CENPQ: variants seen among roughly 807,000 people sequenced by gnomAD.
CENPQ encodes centromere protein Q.
Under a neutral mutation model 36.6 loss-of-function variants are expected in CENPQ, and 27 were observed. The observed-to-expected ratio is 0.74, with a 90% CI of 0.54 to 1.02. The LOEUF is 1.02. Among genes scored for constraint, CENPQ ranks in the 50% least tolerant of loss-of-function variants. The pLI is 0.00. For missense variants in CENPQ, 306 were observed against 301.8 expected (o/e 1.01, Z -0.10); for synonymous variants, 101 against 101.7 (o/e 0.99, Z 0.04).
chr6:49,467,788 G>A (rs1379032548), intron 1 of CENPQ, among the ~76,000 whole-genome samples: 2 of 152,180 alleles, frequency 1.3e-5, no homozygotes, highest in Non-Finnish European at 2.9e-5. Flanking sequence ...CAGACTTAGA[G>A]AGAAATGAAG....
At chr6:49,474,304 T>G (rs1487845059) in intron 5 of CENPQ, among the ~76,000 whole-genome samples, 2 of 151,868 alleles carry the variant, frequency 1.3e-5, no homozygotes, top group African/African-American at 4.8e-5. Context: ...GAACAGAAAT[T>G]ATAACAAACT....
At chr6:49,471,359 G>T (rs1283876772) in intron 3 of CENPQ, among the ~76,000 whole-genome samples, 1 of 152,118 alleles carries the variant, frequency 6.6e-6, no homozygotes, top group Admixed American at 6.5e-5. Context: ...TATGCTTTCT[G>T]TTCTGTATAG....
rs1768096394 is a variant in CENPQ at position 49,470,226 on chromosome 6, G to A, written c.50G>A (p.Arg17Lys). 1 of 1,607,350 alleles carries A rather than the reference G, an allele frequency of 6.2e-7. No homozygotes were observed. Among genetic ancestry groups the A allele is most frequent in the Non-Finnish European group, 8.5e-7 (1 of 1,176,836 alleles). The change falls in exon 2 of 9, where the codon AGA (arginine) becomes AAA (lysine). Residue 17 changes from arginine (R) to lysine (K), a missense_variant. By Grantham distance (26) the Arg-to-Lys change is conservative. Coordinates refer to ENST00000335783, the MANE Select transcript of CENPQ (RefSeq NM_018132.4). ...ASKKNAQQLK[R>K]NPKRKKDNEE... The stretch of plus-strand genomic sequence containing the variant: ...AAGAAAAACGCTCAACAGTTAAAAA[G>A]AAATCCAAAGAGAAAAAAGGATAAT...
At chr6:49,483,634 A>G (rs1581853811) in intron 6 of CENPQ, among the ~76,000 whole-genome samples, 1 of 152,172 alleles carries the variant, frequency 6.6e-6, no homozygotes, top group African/African-American at 2.4e-5. Context: ...GGGACCCAGT[A>G]CACCCTCCAC....
intron 2 of CENPQ, 42 bp downstream of exon 2, chr6:49,470,320 G>A (rs147098867): frequency 1.8e-5 from 24 of 1,308,022 alleles, no homozygotes; most frequent in Non-Finnish European, 2.2e-5. Flanking sequence ...ATCTTCAACT[G>A]TGGCCAAGCA....
At position 49,488,409 on chromosome 6, in the gene CENPQ, C is replaced by G. The variant is rs1768639646; in HGVS notation, c.535C>G (p.Leu179Val). The G allele has an allele frequency of 6.2e-7, 1 of 1,611,916 alleles. No individual in the cohort carries two copies. Among genetic ancestry groups the G allele is most frequent in the East Asian group, 2.2e-5 (1 of 44,756 alleles). The change falls in exon 7 of 9, where the codon CTA (leucine) becomes GTA (valine). Residue 179 changes from leucine to valine, a missense_variant. Transcript: ENST00000335783. ...GTTAATGACTGGGAATATTCAGAGCCTAAAGAACAAAATTCAGATTCTGGC... is the reference window on the plus strand; with the variant it reads ...GTTAATGACTGGGAATATTCAGAGCGTAAAGAACAAAATTCAGATTCTGGC... ...TELMTGNIQS[L>V]KNKIQILASE...
At chr6:49,471,397 T>A (rs1362907103) in intron 3 of CENPQ, among the ~76,000 whole-genome samples, 1 of 152,238 alleles carries the variant, frequency 6.6e-6, no homozygotes, top group Non-Finnish European at 1.5e-5. Context: ...ATTATAAGTT[T>A]GTTTGGAGTA....
intron 6 of CENPQ, among the ~76,000 whole-genome samples, chr6:49,482,050 G>A (rs527890671): frequency 1.8e-4 from 28 of 152,284 alleles, no homozygotes; most frequent in African/African-American, 5.3e-4. Context: ...TACACCCCCC[G>A]CAGCCGCTGG....
In CENPQ at chr6:49,472,690, G is replaced by C. The variant is rs191368716; in HGVS notation, c.279-100G>C. 8.9e-4 allele frequency: 830 copies of C among 934,298 alleles called. 3 individuals are homozygous for C. In the African/African-American group the frequency reaches 0.013, roughly 15 times the overall value. The allele number at this position is 934,298 out of a possible 1,614,324, so 57.9% of individuals were successfully genotyped here. On this transcript the variant is annotated intron_variant, in intron 4 of 8. Transcript: ENST00000335783. ...AAAAGTGATTGATTTTGCCTGGCTA[G>C]TGGGGAGGGGTACTTGAGAGAAATC...
Position 49,488,453 on chromosome 6 carries a change from AGAG to A in CENPQ, c.583_585del (p.Glu195del). The A allele has an allele frequency of 1.2e-6, 2 of 1,613,006 alleles. No homozygotes were observed. The highest frequency in any genetic ancestry group is 2.2e-5 in the South Asian group (2 of 90,982). On this transcript the variant is annotated inframe_deletion, in exon 7 of 9. Coordinates refer to ENST00000335783, the MANE Select transcript of CENPQ (RefSeq NM_018132.4). ...TTCTGGCAAGTGAGGTGGAAGAAGA[AGAG>A]GAGAGAGTAAAACAGGTAATTATTT...
chr6:49,476,546 T>C (rs1305507543), intron 5 of CENPQ, among the ~76,000 whole-genome samples: 4 of 152,164 alleles, frequency 2.6e-5, no homozygotes, highest in Non-Finnish European at 4.4e-5. Context: ...CCAAAAGCAA[T>C]GACAACAAAA....
rs762266527 is a variant in CENPQ, at chr6:49,472,083, C to G, written c.178C>G (p.Leu60Val). 14 of 1,612,450 alleles carry G rather than the reference C, an allele frequency of 8.7e-6. 1 individual carries two copies. Among genetic ancestry groups the G allele is most frequent in the Middle Eastern group, 1.7e-4 (1 of 6,054 alleles). The change falls in exon 4 of 9, where the codon CTA becomes GTA. Residue 60 changes from leucine to valine, a missense_variant. By Grantham distance (32) the Leu-to-Val change is conservative. Coordinates refer to ENST00000335783, the MANE Select transcript of CENPQ (RefSeq NM_018132.4). ...GACAGGACAAACAAAGCACACTAAC[C>G]TAAAACACGGAAAGACAGCAGCCAG... ...SSEGQTKHTN[L>V]KHGKTAASKR...
intron 1 of CENPQ, among the ~76,000 whole-genome samples, chr6:49,467,069 C>T (rs1198429543): frequency 3.9e-5 from 6 of 152,174 alleles, no homozygotes; most frequent in Non-Finnish European, 7.4e-5. Context: ...TGCTAAACAT[C>T]CTACAATACA....
At chr6:49,476,724 CA>C (rs1260287607) in intron 5 of CENPQ, among the ~76,000 whole-genome samples, 1 of 151,992 alleles carries the variant, frequency 6.6e-6, no homozygotes, top group African/African-American at 2.4e-5. Context: ...AACAAATTTA[CA>C]AGAAAAAAAC....
chr6:49,476,102 G>T (rs1463054473), intron 5 of CENPQ, among the ~76,000 whole-genome samples: 1 of 151,860 alleles, frequency 6.6e-6, no homozygotes, highest in African/African-American at 2.4e-5. Flanking sequence ...CCAAAAAAGG[G>T]CCCGCATTGC....
At chr6:49,485,596 GA>G (rs953535174) in intron 6 of CENPQ, among the ~76,000 whole-genome samples, 1 of 151,992 alleles carries the variant, frequency 6.6e-6, no homozygotes, top group African/African-American at 2.4e-5. Flanking sequence ...AAGTATAGGG[GA>G]AAAATTATAA....
At chr6:49,476,520 T>A (rs570967628) in intron 5 of CENPQ, among the ~76,000 whole-genome samples, 1 of 152,106 alleles carries the variant, frequency 6.6e-6, no homozygotes, top group Non-Finnish European at 1.5e-5. Flanking sequence ...TGGGCAAGGA[T>A]TTCATGTCCG....
At chr6:49,480,295 A>C (rs1233970990) in intron 5 of CENPQ, among the ~76,000 whole-genome samples, 6 of 152,178 alleles carry the variant, frequency 3.9e-5, no homozygotes, top group African/African-American at 1.4e-4. Flanking sequence ...GCTATTTTGC[A>C]GTCTGCCAGA....
chr6:49,477,985 T>A (rs1768343574), intron 5 of CENPQ, among the ~76,000 whole-genome samples: 1 of 152,228 alleles, frequency 6.6e-6, no homozygotes, highest in Admixed American at 6.5e-5. Flanking sequence ...CCTTGGTTCA[T>A]TGGAAAAGAT....
Sources: allele counts gnomAD v4.1 joint callset (sites outside exome capture counted in the v4.1 genomes callset), GRCh38; gene constraint gnomAD v4.1.1; transcripts MANE v1.5; gene names NCBI Gene and HGNC (gene_info 2026-07-23, HGNC 2026-07-21).